The following CSMD1 variants were observed in gnomAD, a reference collection of about 807,000 sequenced individuals.
CSMD1 encodes CUB and Sushi multiple domains 1.
Under a neutral mutation model 417.5 loss-of-function variants are expected in CSMD1, and 213 were observed. That is an observed-to-expected ratio of 0.51 (90% CI 0.46 to 0.57). CSMD1 has a LOEUF of 0.57. Among genes scored for constraint, CSMD1 ranks in the 20% least tolerant of loss-of-function variants. CSMD1 has a pLI of 0.00. For missense variants in CSMD1, 6,923 were observed against 4,529.7 expected (o/e 1.53, Z -15.17); for synonymous variants, 2,862 against 1,736.8 (o/e 1.65, Z -16.11).
At chr8:4,243,310 G>A (rs1178606248) in intron 3 of CSMD1, among the ~76,000 whole-genome samples, 2 of 152,048 alleles carry the variant, frequency 1.3e-5, no homozygotes, top group Non-Finnish European at 2.9e-5. Context: ...AAGGCTCTTG[G>A]CTAAATCTGA....
chr8:3,723,970 G>GCAAGTA (rs1802338884), intron 6 of CSMD1, among the ~76,000 whole-genome samples: 2 of 113,970 alleles, frequency 1.8e-5, no homozygotes. Context: ...GTTTAATGTT[G>GCAAGTA]TGTGAAAGAA....
At chr8:4,740,442 T>A (rs1039474608) in intron 1 of CSMD1, among the ~76,000 whole-genome samples, 1 of 152,196 alleles carries the variant, frequency 6.6e-6, no homozygotes, top group Non-Finnish European at 1.5e-5. Flanking sequence ...CAACACTGAA[T>A]GCAATCCTAG....
chr8:3,898,794 C>T (rs761193881), intron 5 of CSMD1, among the ~76,000 whole-genome samples: 2 of 152,168 alleles, frequency 1.3e-5, no homozygotes, highest in East Asian at 1.9e-4. Context: ...AAAACATTAA[C>T]ATCTTCCCTA....
At chr8:3,184,914 C>G (rs888496757) in intron 36 of CSMD1, among the ~76,000 whole-genome samples, 7 of 152,200 alleles carry the variant, frequency 4.6e-5, no homozygotes, top group African/African-American at 1.4e-4. Flanking sequence ...GTCCCTGCTC[C>G]AAAATCTAGC....
intron 4 of CSMD1, among the ~76,000 whole-genome samples, chr8:4,010,670 A>C (rs1563315275): frequency 6.6e-6 from 1 of 152,150 alleles, no homozygotes; most frequent in African/African-American, 2.4e-5. Context: ...TGGGACCTAG[A>C]GTTCCCTGAC....
At chr8:4,412,949 C>T (rs1796729345) in intron 3 of CSMD1, among the ~76,000 whole-genome samples, 1 of 151,804 alleles carries the variant, frequency 6.6e-6, no homozygotes, top group African/African-American at 2.4e-5. Context: ...GTTAACAGAA[C>T]TTGTATCATC....
chr8:3,200,796 T>G (rs189275641), intron 32 of CSMD1, among the ~76,000 whole-genome samples: 24 of 152,114 alleles, frequency 1.6e-4, no homozygotes, highest in South Asian at 8.3e-4. Flanking sequence ...AGACTTTTAG[T>G]TAATAATAAA....
At chr8:4,161,807 T>G (rs1563205520) in intron 3 of CSMD1, among the ~76,000 whole-genome samples, 2 of 152,324 alleles carry the variant, frequency 1.3e-5, no homozygotes, top group South Asian at 4.1e-4. Context: ...ATTTGTTCAT[T>G]TTTTCATAAT....
chr8:4,363,057 G>A (rs748519618), intron 3 of CSMD1, among the ~76,000 whole-genome samples: 2 of 152,142 alleles, frequency 1.3e-5, no homozygotes, highest in East Asian at 3.9e-4. Flanking sequence ...GGAGAAAATT[G>A]AATTTTCTCT....
At chr8:3,838,327 G>A (rs183748864) in intron 5 of CSMD1, among the ~76,000 whole-genome samples, 1 of 151,996 alleles carries the variant, frequency 6.6e-6, no homozygotes, top group Non-Finnish European at 1.5e-5. Context: ...CTTGAGTCCA[G>A]TAGTTCCAGA....
intron 3 of CSMD1, among the ~76,000 whole-genome samples, chr8:4,065,093 A>G (rs1168501911): frequency 6.6e-6 from 1 of 152,246 alleles, no homozygotes; most frequent in Non-Finnish European, 1.5e-5. Context: ...AAAATTGTGA[A>G]GATTTAAAAA....
At chr8:4,127,300 G>T (rs1191640118) in intron 3 of CSMD1, among the ~76,000 whole-genome samples, 1 of 151,692 alleles carries the variant, frequency 6.6e-6, no homozygotes, top group Non-Finnish European at 1.5e-5. Context: ...CTGCTTTTCA[G>T]ATTTCTTATT....
chr8:4,897,404 C>G (rs1437721343), intron 1 of CSMD1, among the ~76,000 whole-genome samples: 1 of 152,060 alleles, frequency 6.6e-6, no homozygotes, highest in Non-Finnish European at 1.5e-5. Context: ...AAAAAAGTTA[C>G]AACAAATATG....
At chr8:4,398,635 T>TCTGC (rs1804433778) in intron 3 of CSMD1, among the ~76,000 whole-genome samples, 1 of 152,126 alleles carries the variant, frequency 6.6e-6, no homozygotes, top group South Asian at 2.1e-4. Flanking sequence ...GACCTCCTGA[T>TCTGC]CTGCCCCTCT....
At chr8:3,569,945 A>G (rs957748143) in intron 10 of CSMD1, among the ~76,000 whole-genome samples, 1 of 152,212 alleles carries the variant, frequency 6.6e-6, no homozygotes, top group African/African-American at 2.4e-5. Context: ...TATAACACAA[A>G]ATAACTGAAA....
At chr8:4,439,817 G>T (rs1438203) in intron 2 of CSMD1, among the ~76,000 whole-genome samples, 1 of 152,118 alleles carries the variant, frequency 6.6e-6, no homozygotes, top group Admixed American at 6.5e-5. Flanking sequence ...ATTCAGGGGT[G>T]AAAATTAAAG....
chr8:4,581,688 G>A (rs1301648381), intron 2 of CSMD1, among the ~76,000 whole-genome samples: 2 of 152,198 alleles, frequency 1.3e-5, no homozygotes, highest in Non-Finnish European at 2.9e-5. Context: ...CCCAGTTGGG[G>A]TCACATAAGC....
At chr8:4,217,790 A>G (rs145712306) in intron 3 of CSMD1, among the ~76,000 whole-genome samples, 1 of 152,286 alleles carries the variant, frequency 6.6e-6, no homozygotes, top group East Asian at 1.9e-4. Flanking sequence ...GGGCTAAGAG[A>G]CCACAGAGTA....
chr8:3,010,482 G>C (rs1489004710), intron 52 of CSMD1, among the ~76,000 whole-genome samples: 1 of 151,986 alleles, frequency 6.6e-6, no homozygotes, highest in African/African-American at 2.4e-5. Context: ...GGCGGCCGTC[G>C]AGAGTTCGAC....
Sources: gnomAD v4.1 joint callset for allele counts (sites outside exome capture counted in the v4.1 genomes callset) on GRCh38, gnomAD v4.1.1 for gene constraint, MANE v1.5 for transcripts, NCBI Gene and HGNC (gene_info 2026-07-23, HGNC 2026-07-21) for gene names.